Variants in PFKP observed in about 807,000 individuals in gnomAD.
PFKP encodes ATP-dependent 6-phosphofructokinase, platelet type.
In PFKP, 101 loss-of-function variants were observed where a neutral mutation model predicts 94.3. That is an observed-to-expected ratio of 1.07 (90% CI 0.91 to 1.26). The LOEUF (loss-of-function observed/expected upper bound fraction) is 1.26. Among genes scored for constraint, PFKP ranks in the 50% most tolerant of loss-of-function variants. The pLI, the probability that PFKP is intolerant of heterozygous loss-of-function variation, is 0.00. For synonymous variants in PFKP, 573 were observed against 432.6 expected, an observed-to-expected ratio of 1.32 and a Z score of -4.03; for missense variants, 1,145 against 1,103.3, an observed-to-expected ratio of 1.04 and a Z score of -0.53.
chr10:3,124,523 G>A (rs138559816), intron 16 of PFKP, among the ~76,000 whole-genome samples: 65 of 152,328 alleles, frequency 4.3e-4, no homozygotes, highest in Non-Finnish European at 7.2e-4. Flanking sequence ...GGGCAGAAAC[G>A]GCAGCTTCCG....
At chr10:3,073,842 G>A (rs1832382947) in intron 1 of PFKP, among the ~76,000 whole-genome samples, 1 of 151,998 alleles carries the variant, frequency 6.6e-6, no homozygotes, top group Non-Finnish European at 1.5e-5. Flanking sequence ...TTGTTTGTTT[G>A]TTTGTTTGTT....
intron 16 of PFKP, among the ~76,000 whole-genome samples, chr10:3,124,415 G>A (rs960636985): frequency 1.3e-4 from 20 of 152,204 alleles, no homozygotes; most frequent in Admixed American, 3.9e-4. Context: ...CTCAAGAACC[G>A]CTCCCCTTTC....
rs145386347 is a variant in PFKP at position 3,134,578 on chromosome 10, C to T, written c.2118C>T (p.Gly706=). 2.5e-4 allele frequency: 396 copies of T among 1,608,282 alleles called. No individual in the cohort carries two copies. The highest frequency in any genetic ancestry group is 3.1e-4 in the African/African-American group (23 of 74,950). Residue 706 remains glycine, a synonymous_variant, in exon 20 of 22, where the codon GGC becomes GGT. Coordinates refer to ENST00000381125, the MANE Select transcript of PFKP (RefSeq NM_002627.5). ...WITAKLKEAR[G]RGKKFTTDDS... is the part of the protein sequence containing the mutation. ...CTGCAAAACTCAAGGAGGCCCGGGG[C>T]AGAGGTAAGGGGTCTGGGGAGGGAG...
chr10:3,067,714 G>A lies in PFKP; in HGVS notation c.112+7G>A. 4.1e-6 allele frequency: 6 copies of A among 1,448,790 alleles called. No individual in the cohort carries two copies. Among genetic ancestry groups the A allele is most frequent in the Non-Finnish European group, 4.6e-6 (5 of 1,083,642 alleles). 89.7% of individuals were successfully genotyped at this position (1,448,790 alleles called of 1,614,324 possible). A position where few individuals can be genotyped will look rare whatever the true frequency, so the allele number is the denominator to read the frequency against. On this transcript the variant is annotated splice_region_variant and intron_variant, in intron 1 of 21. Transcript: ENST00000381125. ...AGCGGCGGGGATGCTCAAGGTGCGC[G>A]CCCCCCTCCCGGCGGCGAGGGAGGG...
chr10:3,130,650 C>T (rs1838470411), intron 17 of PFKP, among the ~76,000 whole-genome samples: 1 of 152,158 alleles, frequency 6.6e-6, no homozygotes, highest in Admixed American at 6.5e-5. Context: ...ACCTCCAACT[C>T]CCAGGTTCAA....
chr10:3,107,875 C>T, intron 8 of PFKP: 1 of 1,288,724 alleles, frequency 7.8e-7, no homozygotes, highest in East Asian at 5.5e-5. Context: ...ATACCATGGG[C>T]TGTGCCCCTG....
chr10:3,073,121 A>G (rs1051308496), intron 1 of PFKP, among the ~76,000 whole-genome samples: 4 of 151,968 alleles, frequency 2.6e-5, no homozygotes, highest in African/African-American at 9.7e-5. Context: ...GCAGCCAGAC[A>G]CATGGCAGAC....
Position 3,119,975 on chromosome 10 carries a change from T to C in PFKP, c.1614T>C (p.Thr538=). 6.2e-7 allele frequency: 1 copy of C among 1,614,132 alleles called. No homozygotes were observed. Among genetic ancestry groups the C allele is most frequent in the Non-Finnish European group, 8.5e-7 (1 of 1,179,978 alleles). ...FCVPMVMVPA[T]VSNNVPGSDF... ...TCCCCATGGTCATGGTTCCCGCTAC[T>C]GTGTCCAACAATGTGCCGGGTTCCG... The change falls in exon 16 of 22, where the codon ACT becomes ACC. Residue 538 remains threonine (T), a synonymous_variant. Transcript: ENST00000381125.
chr10:3,132,925 C>T (rs764531641), intron 18 of PFKP, among the ~76,000 whole-genome samples: 26 of 152,184 alleles, frequency 1.7e-4, no homozygotes, highest in Non-Finnish European at 2.6e-4. Context: ...CAAGAGAGCA[C>T]GAGATTTCAT....
chr10:3,121,313 C>T (rs1300351650), intron 16 of PFKP, among the ~76,000 whole-genome samples: 2 of 152,178 alleles, frequency 1.3e-5, no homozygotes, highest in African/African-American at 4.8e-5. Context: ...TGGCCCGGCT[C>T]TGGACCTACC....
intron 1 of PFKP, among the ~76,000 whole-genome samples, chr10:3,068,031 C>T (rs1228486030): frequency 6.6e-6 from 1 of 152,162 alleles, no homozygotes; most frequent in Admixed American, 6.5e-5. Context: ...GTGAGTTTTC[C>T]ACCTTCGGTT....
intron 17 of PFKP, 61 bp from the exon 18 acceptor site, chr10:3,132,319 T>C: frequency 2.4e-6 from 3 of 1,251,968 alleles, no homozygotes; most frequent in Non-Finnish European, 3.5e-6. Context: ...CTGCAGTGCC[T>C]GGCACACAGT....
intron 2 of PFKP, among the ~76,000 whole-genome samples, chr10:3,092,142 C>T (rs1490661500): frequency 6.6e-6 from 1 of 151,686 alleles, no homozygotes; most frequent in Non-Finnish European, 1.5e-5. Flanking sequence ...TCTCCATCTC[C>T]CCATGGCCCC....
rs201467578 is a variant in PFKP at position 3,115,562 on chromosome 10, T to A, written c.1372-1214T>A. Among the ~76,000 whole-genome samples the A allele has an allele frequency of 6.1e-5, 8 of 130,766 alleles. 2 individuals carry two copies. In the East Asian group the frequency reaches 1.8e-3, roughly 29 times the overall value. 85.8% of individuals were successfully genotyped at this position (130,766 alleles called of 152,430 possible). A position where few individuals can be genotyped will look rare whatever the true frequency, so the allele number is the denominator to read the frequency against. ...ATGCCAGGGTGAAGGTGTGTGTCCC[T>A]CAGCTGAGGACAGGACTGGGGATGC... On this transcript the variant is annotated intron_variant, in intron 13 of 21. Transcript: ENST00000381125.
chr10:3,069,064 C>CCGT (rs917657625), intron 1 of PFKP, among the ~76,000 whole-genome samples: 1 of 151,382 alleles, frequency 6.6e-6, no homozygotes, highest in Admixed American at 6.6e-5. Flanking sequence ...GATGCCCGGC[C>CCGT]CGTCGTCTCC....
chr10:3,130,079 G>T (rs1838403786), intron 17 of PFKP, 96 bp downstream of exon 17: 2 of 1,115,428 alleles, frequency 1.8e-6, no homozygotes, highest in Non-Finnish European at 2.5e-6. Flanking sequence ...CTTTCCAAGG[G>T]GCATGGAGAT....
At chr10:3,099,486 TCTTTA>T in intron 3 of PFKP, 134 bp downstream of exon 3, 1 of 704,814 alleles carries the variant, frequency 1.4e-6, no homozygotes, top group Non-Finnish European at 2.5e-6. Context: ...TGTGAGCAGC[TCTTTA>T]CTTGTGGTTT....
At chr10:3,094,161 C>CT (rs756465167) in intron 2 of PFKP, among the ~76,000 whole-genome samples, 12 of 152,172 alleles carry the variant, frequency 7.9e-5, no homozygotes, top group Non-Finnish European at 1.3e-4. Flanking sequence ...GTGGGGTTTG[C>CT]TGTAAGGTCA....
chr10:3,099,350 G>A lies in PFKP; in HGVS notation c.262G>A (p.Val88Met), dbSNP rs899053868. 4 of 1,613,436 alleles carry A rather than the reference G, an allele frequency of 2.5e-6. No individual in the cohort carries two copies. Among genetic ancestry groups the A allele is most frequent in the Non-Finnish European group, 2.5e-6 (3 of 1,179,326 alleles). Residue 88 changes from valine to methionine, a missense_variant and splice_region_variant, in exon 3 of 22, where the codon GTG becomes ATG. Physicochemically the swap from Val to Met is conservative, Grantham distance 21 (BLOSUM62 1). Around this residue, in one of 3 missense-constraint regions of PFKP, gnomAD observed 1,119 missense variants for 1,062.8 expected, o/e 1.05. Transcript: ENST00000381125. ...DWESVSSILQ[V>M]GGTIIGSARC... ...GGAGAGTGTCTCCAGCATCCTGCAA[G>A]TGGTAGGTACTGGGCTGCGTCCACA... is the stretch of plus-strand genomic sequence containing the variant.
Sources: allele counts gnomAD v4.1 joint callset (sites outside exome capture counted in the v4.1 genomes callset), GRCh38; gene constraint gnomAD v4.1.1; regional missense constraint gnomAD v4.1.1; transcripts MANE v1.5; gene names NCBI Gene and HGNC (gene_info 2026-07-23, HGNC 2026-07-21).